Variants in CHD1L observed in about 807,000 individuals in gnomAD.
CHD1L encodes ATP-dependent chromatin remodeler CHD1L.
Under a neutral mutation model 115.9 loss-of-function variants are expected in CHD1L, and 118 were observed. That is an observed-to-expected ratio of 1.02 (90% CI 0.88 to 1.19). The LOEUF (loss-of-function observed/expected upper bound fraction) is 1.19, where lower values mean the gene tolerates loss of function less well. Among genes scored for constraint, CHD1L ranks in the 50% most tolerant of loss-of-function variants. The pLI is 0.00. For synonymous variants in CHD1L, 411 were observed against 387.1 expected (o/e 1.06, Z -0.72); for missense variants, 1,179 against 1,065.3 (o/e 1.11, Z -1.49).
chr1:147,256,314 A>G (rs587736777), intron 4 of CHD1L, among the ~76,000 whole-genome samples: 1 of 151,978 alleles, frequency 6.6e-6, no homozygotes, highest in African/African-American at 2.4e-5. Context: ...TTTTCAGTCT[A>G]AGACAGTGTG....
Position 147,255,822 on chromosome 1 carries a change from A to G in CHD1L, c.357A>G (p.Pro119=). Residue 119 remains proline, a synonymous_variant, in exon 4 of 23, where the codon CCA becomes CCG. Coordinates refer to ENST00000369258, the MANE Select transcript of CHD1L (RefSeq NM_004284.6). The part of the protein sequence containing the change: ...NWKEEMQRFA[P]GLSCVTYAGD... ...CTTTTCTTGGATTCAGATTTGCTCC[A>G]GGTCTTTCCTGTGTAACATATGCAG... The G allele has an allele frequency of 6.2e-7, 1 of 1,608,008 alleles. No homozygotes were observed. Among genetic ancestry groups the G allele is most frequent in the African/African-American group, 1.3e-5 (1 of 74,718 alleles).
chr1:147,183,192 T>C, the CHD1L span, among the ~76,000 whole-genome samples: 2 of 152,054 alleles, frequency 1.3e-5, no homozygotes, highest in African/African-American at 4.8e-5. Flanking sequence ...AGCGAGACTC[T>C]GTCTCAAAAA....
chr1:147,244,017 G>A (rs1665792609), intron 1 of CHD1L, among the ~76,000 whole-genome samples: 1 of 152,172 alleles, frequency 6.6e-6, no homozygotes, highest in Non-Finnish European at 1.5e-5. Context: ...AGAATGTGTG[G>A]CTGTAAGGAG....
At chr1:147,212,435 A>G in the CHD1L span, 9 of 1,614,146 alleles carry the variant, frequency 5.6e-6, no homozygotes, top group Non-Finnish European at 7.6e-6. Flanking sequence ...GATCCCCTCC[A>G]GAATTCCCAA....
the CHD1L span, chr1:147,215,255 T>G: frequency 6.6e-6 from 1 of 152,234 alleles, no homozygotes; most frequent in Non-Finnish European, 1.5e-5. Context: ...AGAATTCAGG[T>G]TTTTATTCTG....
the CHD1L span, chr1:147,179,193 T>C: frequency 6.2e-7 from 1 of 1,614,020 alleles, no homozygotes; most frequent in Non-Finnish European, 8.5e-7. Flanking sequence ...TTGATGGCAA[T>C]CTGAAGAGAT....
the CHD1L span, chr1:147,178,172 G>A: frequency 5.6e-6 from 9 of 1,610,728 alleles, no homozygotes; most frequent in Admixed American, 6.7e-5. Context: ...GCCGCGGCCC[G>A]CCTCGCGGCT....
the CHD1L span, chr1:147,204,790 C>A: frequency 6.3e-7 from 1 of 1,588,284 alleles, no homozygotes; most frequent in Non-Finnish European, 8.6e-7. Flanking sequence ...TCCATTTCGT[C>A]CATATGCTGT....
chr1:147,295,453 T>A lies in CHD1L; in HGVS notation c.2638T>A (p.Ser880Thr). 6.2e-7 allele frequency: 1 copy of A among 1,611,322 alleles called. No individual in the cohort carries two copies. Among genetic ancestry groups the A allele is most frequent in the Non-Finnish European group, 8.5e-7 (1 of 1,178,220 alleles). Residue 880 changes from serine to threonine, a missense_variant, in exon 23 of 23, where the codon TCT (serine) becomes ACT (threonine). By Grantham distance (58) the Ser-to-Thr change is moderately conservative. Transcript: ENST00000369258. ...CAGATATTATTTTCCTAGAAGCAAG[T>A]CTGCTGTCCTTCATTCACAGTCTTC... is the stretch of plus-strand genomic sequence containing the variant. ...TYIYYFPRSK[S>T]AVLHSQSSSS... is the part of the protein sequence containing the mutation.
rs1553950428 is a variant in CHD1L at position 147,268,770 on chromosome 1, T to G, written c.989-12T>G. Reference sequence around the variant, plus strand: ...AGGGCACATTACTGGGAGTGGGTTCTTTCTTTTCTAGGTGTGGAGCCGGAG... The same window carrying G: ...AGGGCACATTACTGGGAGTGGGTTCGTTCTTTTCTAGGTGTGGAGCCGGAG... On this transcript the variant is annotated splice_polypyrimidine_tract_variant and intron_variant, in intron 9 of 22. Coordinates refer to ENST00000369258, the MANE Select transcript of CHD1L (RefSeq NM_004284.6). The G allele has an allele frequency of 1.2e-6, 2 of 1,611,670 alleles. No individual in the cohort carries two copies. Among genetic ancestry groups the G allele is most frequent in the East Asian group, 2.2e-5 (1 of 44,796 alleles).
At chr1:147,206,606 C>T in the CHD1L span, among the ~76,000 whole-genome samples, 1 of 152,140 alleles carries the variant, frequency 6.6e-6, no homozygotes, top group Non-Finnish European at 1.5e-5. Flanking sequence ...AGTTCATGTC[C>T]TTTGTAGAGA....
At chr1:147,275,612 A>G in intron 13 of CHD1L, 144 bp downstream of exon 13, 1 of 634,176 alleles carries the variant, frequency 1.6e-6, no homozygotes, top group Non-Finnish European at 2.8e-6. Context: ...ATTGACTCCT[A>G]GGGTAGTATT....
chr1:147,215,780 C>T, the CHD1L span: 4 of 1,608,816 alleles, frequency 2.5e-6, no homozygotes, highest in African/African-American at 5.4e-5. Flanking sequence ...TTTAGAAGGT[C>T]AAATTCTTTG....
In CHD1L at chr1:147,266,032, T is replaced by C. The variant is rs1673784210; in HGVS notation, c.840T>C (p.His280=). 2 of 1,613,706 alleles carry C rather than the reference T, an allele frequency of 1.2e-6. No individual in the cohort carries two copies. The highest frequency in any genetic ancestry group is 1.7e-5 in the Admixed American group (1 of 59,962). The change falls in exon 8 of 23, where the codon CAT becomes CAC. Residue 280 remains histidine (H), a synonymous_variant. Transcript: ENST00000369258. ...AGAAGACAGAAGTAGTGATATACCA[T>C]GGCATGTCAGCATTGCAGAAGAAAT... is the stretch of plus-strand genomic sequence containing the variant. ...LPKKTEVVIY[H]GMSALQKKYY...
chr1:147,199,859 G>A, the CHD1L span, among the ~76,000 whole-genome samples: 1 of 152,072 alleles, frequency 6.6e-6, no homozygotes, highest in Non-Finnish European at 1.5e-5. Context: ...CAACTGTGAA[G>A]ATTTTCACTA....
chr1:147,283,632 G>A (rs1681832086), intron 15 of CHD1L, among the ~76,000 whole-genome samples: 1 of 152,166 alleles, frequency 6.6e-6, no homozygotes. Context: ...AGCATGAAGT[G>A]CTATTCAAGA....
intron 2 of CHD1L, 149 bp downstream of exon 2, chr1:147,252,884 G>A: frequency 1.6e-6 from 1 of 641,168 alleles, no homozygotes; most frequent in Non-Finnish European, 2.7e-6. Context: ...ACCGGGAAAG[G>A]GCCTTCCCTG....
chr1:147,234,154 AC>A, the CHD1L span, among the ~76,000 whole-genome samples: 4 of 152,084 alleles, frequency 2.6e-5, no homozygotes, highest in Non-Finnish European at 5.9e-5. Flanking sequence ...TGCTCTTTTG[AC>A]CCCCACATTC....
chr1:147,223,270 CTGA>C, the CHD1L span, among the ~76,000 whole-genome samples: 1 of 152,164 alleles, frequency 6.6e-6, no homozygotes, highest in Non-Finnish European at 1.5e-5. Context: ...ATGTCCAAGA[CTGA>C]TGATGATACA....
Sources: gnomAD v4.1 joint callset for allele counts (sites outside exome capture counted in the v4.1 genomes callset) on GRCh38, gnomAD v4.1.1 for gene constraint, MANE v1.5 for transcripts, NCBI Gene and HGNC (gene_info 2026-07-23, HGNC 2026-07-21) for gene names.